HAUS1: variants seen among roughly 807,000 people sequenced by gnomAD.
HAUS1 encodes the protein HAUS augmin-like complex subunit 1.
HAUS1 carries 25 observed loss-of-function variants against 38.6 expected under a neutral mutation model. The ratio of observed to expected loss-of-function variants is 0.65; its 90% CI spans 0.47 to 0.91. The LOEUF (loss-of-function observed/expected upper bound fraction) is 0.91. Among genes scored for constraint, HAUS1 ranks in the 40% least tolerant of loss-of-function variants. HAUS1 has a pLI of 0.00. For missense variants in HAUS1, 325 were observed against 328.4 expected, an observed-to-expected ratio of 0.99 and a Z score of 0.08; for synonymous variants, 109 against 112.9, an observed-to-expected ratio of 0.97 and a Z score of 0.22.
chr18:46,117,837 T>G (rs1438663224), intron 2 of HAUS1, among the ~76,000 whole-genome samples: 1 of 151,796 alleles, frequency 6.6e-6, no homozygotes, highest in Non-Finnish European at 1.5e-5. Flanking sequence ...TCCCAGTTAC[T>G]CAGGAGGCTG....
chr18:46,118,847 A>G (rs1911861371), intron 3 of HAUS1, among the ~76,000 whole-genome samples: 1 of 152,080 alleles, frequency 6.6e-6, no homozygotes, highest in Non-Finnish European at 1.5e-5. Context: ...GCCATATCTT[A>G]GCTAGGACTA....
chr18:46,123,537 T>C (rs1263359527), intron 6 of HAUS1, among the ~76,000 whole-genome samples, 173 bp downstream of exon 6: 2 of 152,234 alleles, frequency 1.3e-5, no homozygotes, highest in African/African-American at 4.8e-5. Context: ...TTTAGCTGTA[T>C]ATGCCCTCAC....
chr18:46,126,151 C>G (rs1292250596), intron 8 of HAUS1, among the ~76,000 whole-genome samples: 1 of 151,810 alleles, frequency 6.6e-6, no homozygotes, highest in Non-Finnish European at 1.5e-5. Context: ...GATGCGTGCC[C>G]GTAATCCCAG....
At chr18:46,111,161 C>A (rs968490261) in intron 2 of HAUS1, among the ~76,000 whole-genome samples, 3 of 152,108 alleles carry the variant, frequency 2.0e-5, no homozygotes, top group Admixed American at 6.6e-5. Context: ...AGCCAATGCA[C>A]CCGGCCTCAA....
At chr18:46,119,142 T>G (rs754803985) in intron 3 of HAUS1, among the ~76,000 whole-genome samples, 9 of 152,202 alleles carry the variant, frequency 5.9e-5, no homozygotes, top group Non-Finnish European at 8.8e-5. Context: ...GTGCTGGGAT[T>G]ACAGGCGTGA....
intron 8 of HAUS1, among the ~76,000 whole-genome samples, chr18:46,127,474 A>T (rs561248632): frequency 6.6e-6 from 1 of 151,598 alleles, no homozygotes; most frequent in Non-Finnish European, 1.5e-5. Flanking sequence ...TGGGAGGCCA[A>T]GTGGGTGGAT....
intron 2 of HAUS1, among the ~76,000 whole-genome samples, chr18:46,115,932 C>G (rs1397786457): frequency 6.6e-6 from 1 of 151,802 alleles, no homozygotes; most frequent in Non-Finnish European, 1.5e-5. Context: ...CCTGGCCAAC[C>G]CTGTCTCTAC....
intron 5 of HAUS1, 136 bp downstream of exon 5, chr18:46,122,726 T>C (rs1221019078): frequency 1.1e-6 from 1 of 910,138 alleles, no homozygotes; most frequent in African/African-American, 1.7e-5. Context: ...CAAGATTACA[T>C]AGCTATTACA....
chr18:46,109,998 C>T (rs1911575826), intron 2 of HAUS1, among the ~76,000 whole-genome samples: 1 of 151,968 alleles, frequency 6.6e-6, no homozygotes, highest in Non-Finnish European at 1.5e-5. Flanking sequence ...TCCATAGTTA[C>T]CATTACTTAC....
intron 1 of HAUS1, 119 bp downstream of exon 1, chr18:46,104,560 T>TC: frequency 1.2e-6 from 1 of 855,472 alleles, no homozygotes; most frequent in Non-Finnish European, 1.7e-6. Context: ...ATTCCACACA[T>TC]CCGTCTTTTA....
chr18:46,115,998 T>A (rs1356262726), intron 2 of HAUS1, among the ~76,000 whole-genome samples: 1 of 151,426 alleles, frequency 6.6e-6, no homozygotes, highest in Admixed American at 6.6e-5. Flanking sequence ...CCCATCTACT[T>A]GGGAGGCTGA....
intron 2 of HAUS1, among the ~76,000 whole-genome samples, chr18:46,113,191 C>T (rs963440409): frequency 6.6e-6 from 1 of 150,560 alleles, no homozygotes; most frequent in Non-Finnish European, 1.5e-5. Context: ...ATTCTCATGC[C>T]TCAGTCTCCC....
chr18:46,109,148 AC>A lies in HAUS1; in HGVS notation c.205+3781del, dbSNP rs1911555419. ...TAGCTGAGGAGGCCTCAGGAAACTT[AC>A]AATCATGGTTGAAGGTGAAGGGGAA... On this transcript the variant is annotated intron_variant, in intron 2 of 8. Transcript: ENST00000282058. 5.3e-5 allele frequency among the ~76,000 whole-genome samples: 8 copies of A among 152,128 alleles called. No individual in the cohort carries two copies. In the South Asian group the frequency reaches 1.7e-3, roughly 32 times the overall value.
chr18:46,105,742 C>G (rs1410816787), intron 2 of HAUS1, among the ~76,000 whole-genome samples: 1 of 151,722 alleles, frequency 6.6e-6, no homozygotes, highest in East Asian at 1.9e-4. Context: ...CCACCACACC[C>G]GGCTAATTTT....
intron 2 of HAUS1, among the ~76,000 whole-genome samples, chr18:46,106,058 G>A (rs1025492637): frequency 1.3e-5 from 2 of 152,086 alleles, no homozygotes; most frequent in African/African-American, 2.4e-5. Flanking sequence ...TTAGTCATAC[G>A]GACCTATCAG....
At chr18:46,123,751 A>C (rs962442934) in intron 6 of HAUS1, among the ~76,000 whole-genome samples, 1 of 152,192 alleles carries the variant, frequency 6.6e-6, no homozygotes, top group African/African-American at 2.4e-5. Context: ...TTTAGGTTAT[A>C]TAAAGGTTTT....
intron 2 of HAUS1, among the ~76,000 whole-genome samples, chr18:46,116,572 AACG>A (rs1911803312): frequency 6.6e-6 from 1 of 151,550 alleles, no homozygotes; most frequent in Non-Finnish European, 1.5e-5. Flanking sequence ...AAAAAAAAAT[AACG>A]ACAAAAAAAA....
rs1468706393 is a variant in HAUS1, at chr18:46,120,019, A to C, written c.435A>C (p.Lys145Asn). 6.2e-7 allele frequency: 1 copy of C among 1,608,036 alleles called. No individual in the cohort carries two copies. The highest frequency in any genetic ancestry group is 1.1e-5 in the South Asian group (1 of 89,944). ...AGATTGAACTGGAAAAACTTGAAAA[A>C]AATTTAACTGCAACTTTAGTATTAG... ...EIKIELEKLE[K>N]NLTATLVLEK... is the part of the protein sequence containing the mutation. Residue 145 changes from lysine (K) to asparagine (N), a missense_variant, in exon 4 of 9, where the codon AAA becomes AAC. By Grantham distance (94) the Lys-to-Asn change is moderately conservative. Transcript: ENST00000282058.
chr18:46,122,718 A>G (rs1911979135), intron 5 of HAUS1, 128 bp downstream of exon 5: 1 of 966,956 alleles, frequency 1.0e-6, no homozygotes. Flanking sequence ...AAGTTGCCCA[A>G]GATTACATAG....
Sources: allele counts gnomAD v4.1 joint callset (sites outside exome capture counted in the v4.1 genomes callset), GRCh38; gene constraint gnomAD v4.1.1; transcripts MANE v1.5; gene names NCBI Gene and HGNC (gene_info 2026-07-23, HGNC 2026-07-21).